SKAP1: variants seen among roughly 807,000 people sequenced by gnomAD.
SKAP1 encodes src kinase associated phosphoprotein 1.
Under a neutral mutation model 58.5 loss-of-function variants are expected in SKAP1, and 44 were observed. The observed-to-expected ratio is 0.75, with a 90% CI of 0.59 to 0.97. The LOEUF (loss-of-function observed/expected upper bound fraction) is 0.97. SKAP1 is among the 50% of genes least tolerant of loss of function. The pLI is 0.00. For missense variants in SKAP1, 390 were observed against 435.2 expected (o/e 0.90, Z 0.92); for synonymous variants, 127 against 149.7 (o/e 0.85, Z 1.11).
intron 4 of SKAP1, among the ~76,000 whole-genome samples, chr17:48,333,955 G>A (rs2066536531): frequency 6.6e-6 from 1 of 151,996 alleles, no homozygotes; most frequent in South Asian, 2.1e-4. Context: ...CTTTATAGAT[G>A]AAAGCATTTG....
At chr17:48,353,617 C>T (rs951506535) in intron 3 of SKAP1, among the ~76,000 whole-genome samples, 3 of 151,970 alleles carry the variant, frequency 2.0e-5, no homozygotes, top group Non-Finnish European at 2.9e-5. Flanking sequence ...ATGAGATGGC[C>T]GGGTGCAGTG....
At chr17:48,406,373 T>C (rs1366924927) in intron 1 of SKAP1, among the ~76,000 whole-genome samples, 6 of 152,004 alleles carry the variant, frequency 3.9e-5, no homozygotes, top group African/African-American at 9.7e-5. Context: ...GGAAAATCAA[T>C]AATTTCTTAA....
At chr17:48,231,024 T>C (rs569824318) in intron 4 of SKAP1, among the ~76,000 whole-genome samples, 6 of 152,122 alleles carry the variant, frequency 3.9e-5, no homozygotes, top group Non-Finnish European at 7.4e-5. Context: ...TGTGGGCATT[T>C]AATTCAGGGA....
chr17:48,434,951 G>A (rs989685634), upstream of SKAP1, among the ~76,000 whole-genome samples: 5 of 152,034 alleles, frequency 3.3e-5, no homozygotes, highest in Non-Finnish European at 7.4e-5. Flanking sequence ...GACCAGCCTC[G>A]GCAACATAGT....
At chr17:48,232,881 A>T (rs1339172486) in intron 4 of SKAP1, among the ~76,000 whole-genome samples, 4 of 152,184 alleles carry the variant, frequency 2.6e-5, no homozygotes, top group Admixed American at 6.5e-5. Flanking sequence ...ATGATTAACT[A>T]CAGAACTTCA....
intron 11 of SKAP1, among the ~76,000 whole-genome samples, chr17:48,155,193 T>A (rs959984538): frequency 6.6e-6 from 1 of 151,586 alleles, no homozygotes; most frequent in Non-Finnish European, 1.5e-5. Flanking sequence ...AATGGCATGA[T>A]CTTGGCTCAC....
rs1007888562 is a variant in SKAP1, at chr17:48,400,346, G to A, written c.47-3561C>T. 4.6e-5 allele frequency among the ~76,000 whole-genome samples: 7 copies of A among 152,046 alleles called. 1 individual carries two copies. Among genetic ancestry groups the A allele is most frequent in the African/African-American group, 9.6e-5 (4 of 41,480 alleles). On this transcript the variant is annotated intron_variant, in intron 1 of 12. Transcript: ENST00000336915. ...ACTCCTGACCTCAGGTGATCCACCC[G>A]CCTGGGCCTCCCAAAGTGCTGGGAT...
the SKAP1 span, among the ~76,000 whole-genome samples, chr17:48,437,696 C>T: frequency 1.2e-4 from 15 of 129,754 alleles, 1 homozygote; most frequent in South Asian, 3.3e-3. Context: ...GAGCTGAGAT[C>T]GTGTCACTGC....
At chr17:48,354,503 A>G (rs562913690) in intron 3 of SKAP1, among the ~76,000 whole-genome samples, 12 of 152,348 alleles carry the variant, frequency 7.9e-5, no homozygotes, top group African/African-American at 2.6e-4. Context: ...TAACTTTTCC[A>G]GGATGGCAAA....
At chr17:48,372,489 AGACAGGGG>A (rs2067099943) in intron 2 of SKAP1, among the ~76,000 whole-genome samples, 1 of 150,956 alleles carries the variant, frequency 6.6e-6, no homozygotes, top group African/African-American at 2.4e-5. Context: ...TATTTTTAGT[AGACAGGGG>A]TTTCTCCATG....
chr17:48,283,493 T>C (rs1567851988), intron 4 of SKAP1, among the ~76,000 whole-genome samples: 1 of 152,172 alleles, frequency 6.6e-6, no homozygotes, highest in Non-Finnish European at 1.5e-5. Flanking sequence ...TCTAGGTGCT[T>C]ATAATAACCT....
At chr17:48,195,796 C>T (rs1223199924) in intron 4 of SKAP1, among the ~76,000 whole-genome samples, 2 of 152,112 alleles carry the variant, frequency 1.3e-5, no homozygotes, top group Non-Finnish European at 2.9e-5. Flanking sequence ...CCTCAATAGA[C>T]TCATGTTGCC....
intron 4 of SKAP1, among the ~76,000 whole-genome samples, chr17:48,277,846 C>T (rs1032133242): frequency 2.0e-5 from 3 of 152,176 alleles, no homozygotes; most frequent in Admixed American, 6.5e-5. Context: ...CCCCTCACCT[C>T]GGCTCCCAAC....
At chr17:48,289,229 T>C (rs530434588) in intron 4 of SKAP1, among the ~76,000 whole-genome samples, 16 of 152,270 alleles carry the variant, frequency 1.1e-4, no homozygotes, top group African/African-American at 3.6e-4. Flanking sequence ...TTTTCCTATA[T>C]ATTCATAAAT....
At chr17:48,269,490 A>T (rs895848205) in intron 4 of SKAP1, among the ~76,000 whole-genome samples, 3 of 152,226 alleles carry the variant, frequency 2.0e-5, no homozygotes, top group Non-Finnish European at 4.4e-5. Context: ...TTCCAGGCAG[A>T]GTTAACCTGC....
At chr17:48,219,684 T>TA (rs761010077) in intron 4 of SKAP1, among the ~76,000 whole-genome samples, 9 of 152,196 alleles carry the variant, frequency 5.9e-5, no homozygotes, top group Non-Finnish European at 8.8e-5. Flanking sequence ...AAATTAGCAT[T>TA]ATATAGTCAT....
At chr17:48,345,880 C>G (rs562952442) in intron 4 of SKAP1, 25 bp downstream of exon 4, 16 of 1,543,382 alleles carry the variant, frequency 1.0e-5, no homozygotes, top group Middle Eastern at 1.7e-4. Context: ...GGTAGTCACC[C>G]AAAATCCAGA....
chr17:48,175,104 G>A (rs1433286038), intron 9 of SKAP1, among the ~76,000 whole-genome samples: 1 of 152,146 alleles, frequency 6.6e-6, no homozygotes, highest in Non-Finnish European at 1.5e-5. Flanking sequence ...ACCTCAGAGG[G>A]ACAGAGAGGA....
At position 48,216,882 on chromosome 17, in the gene SKAP1, A is replaced by G. The variant is rs555882433; in HGVS notation, c.281-27382T>C. On this transcript the variant is annotated intron_variant, in intron 4 of 12. Transcript: ENST00000336915. ...TTTCATGGACAGATTGGCAAATATT[A>G]TAAGTATCAGATTCAAAACTTTCTA... Among the ~76,000 whole-genome samples, 12 of 152,306 alleles carry G rather than the reference A, an allele frequency of 7.9e-5. No individual in the cohort carries two copies. In the South Asian group the frequency reaches 1.2e-3, roughly 16 times the overall value.
Sources: gnomAD v4.1 joint callset for allele counts (sites outside exome capture counted in the v4.1 genomes callset) on GRCh38, gnomAD v4.1.1 for gene constraint, MANE v1.5 for transcripts, NCBI Gene and HGNC (gene_info 2026-07-23, HGNC 2026-07-21) for gene names.